The following NR2C1 variants were observed in gnomAD, a reference collection of about 807,000 sequenced individuals.
NR2C1 encodes the protein TR2 nuclear hormone receptor.
A neutral mutation model predicts 74.8 loss-of-function variants in NR2C1; 33 were observed. That is an observed-to-expected ratio of 0.44 (90% confidence interval 0.33 to 0.59). NR2C1 has a LOEUF of 0.59. Ranked by LOEUF, NR2C1 falls within the 20% of genes least tolerant of loss-of-function variation. The pLI is 0.02. For missense variants in NR2C1, 568 were observed against 715.6 expected (o/e 0.79, Z 2.35); for synonymous variants, 225 against 240.6 (o/e 0.94, Z 0.60).
intron 3 of NR2C1, among the ~76,000 whole-genome samples, chr12:95,060,682 C>T (rs2136186710): frequency 6.6e-6 from 1 of 152,200 alleles, no homozygotes; most frequent in South Asian, 2.1e-4. Flanking sequence ...AAACAAAAAA[C>T]AGCAAACTAG....
intron 10 of NR2C1, among the ~76,000 whole-genome samples, chr12:95,032,515 C>T (rs1010763120): frequency 2.0e-5 from 3 of 151,502 alleles, no homozygotes; most frequent in African/African-American, 7.3e-5. Context: ...AAAACATTAG[C>T]CGAGCATAGT....
intron 9 of NR2C1, among the ~76,000 whole-genome samples, chr12:95,048,622 G>GCTTTT (rs1432439180): frequency 1.5e-5 from 2 of 130,526 alleles, no homozygotes; most frequent in African/African-American, 2.8e-5. Flanking sequence ...ATGCAGATGA[G>GCTTTT]TTTTTTTTTT....
At chr12:95,041,446 C>T (rs1871522105) in intron 9 of NR2C1, among the ~76,000 whole-genome samples, 1 of 152,042 alleles carries the variant, frequency 6.6e-6, no homozygotes, top group African/African-American at 2.4e-5. Context: ...TGAGCCACTG[C>T]ACTCCAGCCT....
rs559787500 is a variant in NR2C1 at position 95,053,899 on chromosome 12, A to G, written c.784-1956T>C. The stretch of plus-strand genomic sequence containing the variant: ...AGGGTTTCACTGTGTTAGCCAGGAC[A>G]GTCTCGATCTCCTGACCTCGTGATC... On this transcript the variant is annotated intron_variant, in intron 7 of 13. Transcript: ENST00000333003. Among the ~76,000 whole-genome samples, 975 of 151,984 alleles carry G rather than the reference A, an allele frequency of 6.4e-3. 7 individuals carry two copies. The highest frequency in any genetic ancestry group is 0.021 in the African/African-American group (856 of 41,440).
chr12:95,059,989 A>T lies in NR2C1; in HGVS notation c.286-5T>A, dbSNP rs1304473370. Reference sequence around the variant, plus strand: ...TGGAGAATTATCTGTTAGGAGCTAAAAAAAAAAAAAAAAAAAAAGAAAACA... The same window carrying T: ...TGGAGAATTATCTGTTAGGAGCTAATAAAAAAAAAAAAAAAAAAGAAAACA... On this transcript the variant is annotated splice_polypyrimidine_tract_variant and splice_region_variant and intron_variant, in intron 3 of 13. Coordinates refer to ENST00000333003, the MANE Select transcript of NR2C1 (RefSeq NM_003297.4). The T allele has an allele frequency of 6.6e-6, 4 of 603,586 alleles. No individual in the cohort carries two copies. The highest frequency in any genetic ancestry group is 9.4e-6 in the Non-Finnish European group (4 of 427,016). The allele number at this position is 603,586 out of a possible 1,614,324, so 37.4% of individuals were successfully genotyped here. A position where few individuals can be genotyped will look rare whatever the true frequency, so the allele number is the denominator to read the frequency against.
At chr12:95,063,751 C>T (rs949240058) in intron 2 of NR2C1, among the ~76,000 whole-genome samples, 4 of 151,794 alleles carry the variant, frequency 2.6e-5, no homozygotes, top group Admixed American at 6.6e-5. Context: ...AAGAGTAGGC[C>T]GGGTGCAGTG....
chr12:95,066,380 T>A (rs762377025), intron 2 of NR2C1, among the ~76,000 whole-genome samples: 23 of 152,054 alleles, frequency 1.5e-4, no homozygotes, highest in Non-Finnish European at 3.2e-4. Context: ...GCACAAAAAA[T>A]GGCCACAAAA....
chr12:95,064,302 C>T (rs1295883094), intron 2 of NR2C1, among the ~76,000 whole-genome samples: 1 of 146,006 alleles, frequency 6.8e-6, no homozygotes, highest in Non-Finnish European at 1.5e-5. Context: ...GCACTCCAGC[C>T]TGGGTGACAC....
At chr12:95,043,187 G>T (rs11107872) in intron 9 of NR2C1, among the ~76,000 whole-genome samples, 1 of 151,940 alleles carries the variant, frequency 6.6e-6, no homozygotes. Flanking sequence ...CTTTAGCCCA[G>T]GAGGTAGAGG....
intron 7 of NR2C1, among the ~76,000 whole-genome samples, chr12:95,052,975 T>C (rs1210607072): frequency 6.6e-6 from 1 of 151,982 alleles, no homozygotes; most frequent in Admixed American, 6.6e-5. Context: ...ATAGGTAAGA[T>C]ACTGATCTAT....
intron 9 of NR2C1, among the ~76,000 whole-genome samples, chr12:95,043,454 C>T (rs1258946943): frequency 6.6e-6 from 1 of 151,952 alleles, no homozygotes; most frequent in Non-Finnish European, 1.5e-5. Flanking sequence ...TCTGGGAGGC[C>T]AGGGCAGGCA....
At chr12:95,022,788 GACTCAAGT>G (rs1868912852) in intron 13 of NR2C1, among the ~76,000 whole-genome samples, 1 of 151,370 alleles carries the variant, frequency 6.6e-6, no homozygotes, top group Non-Finnish European at 1.5e-5. Flanking sequence ...CAATTCCTTG[GACTCAAGT>G]GATCCTTCCC....
chr12:95,071,058 G>A (rs760437595), intron 1 of NR2C1, among the ~76,000 whole-genome samples: 12 of 152,150 alleles, frequency 7.9e-5, no homozygotes, highest in Admixed American at 1.3e-4. Flanking sequence ...AAATTTAGCC[G>A]GGTGTGGTGG....
In NR2C1 at chr12:95,028,405, T is replaced by G; in HGVS notation, c.1513A>C (p.Ile505Leu). ...DGYEYAYLKA[I>L]VLFSPDHPSL... ...TATATACCTGGACTGAAGAGTACTA[T>G]TGCCTTCAGGTAGGCATATTCGTAT... is the stretch of plus-strand genomic sequence containing the variant. The change falls in exon 12 of 14, where the codon ATA becomes CTA. Residue 505 changes from isoleucine (I) to leucine (L), a missense_variant. Ile to Leu is a conservative substitution (Grantham distance 5). Coordinates refer to ENST00000333003, the MANE Select transcript of NR2C1 (RefSeq NM_003297.4). 1 of 1,610,292 alleles carries G rather than the reference T, an allele frequency of 6.2e-7. No individual in the cohort carries two copies. Among genetic ancestry groups the G allele is most frequent in the East Asian group, 2.2e-5 (1 of 44,798 alleles).
chr12:95,036,526 T>G (rs80349923), intron 10 of NR2C1, among the ~76,000 whole-genome samples: 1 of 151,446 alleles, frequency 6.6e-6, no homozygotes, highest in Non-Finnish European at 1.5e-5. Context: ...TTTTTTTTTT[T>G]TTGAAGGAGA....
intron 10 of NR2C1, among the ~76,000 whole-genome samples, chr12:95,037,843 G>A (rs1168838236): frequency 2.0e-5 from 3 of 149,906 alleles, no homozygotes; most frequent in East Asian, 2.0e-4. Flanking sequence ...TGCACTGAGC[G>A]GAGATCGTGC....
At chr12:95,029,145 C>T (rs902848544) in intron 11 of NR2C1, among the ~76,000 whole-genome samples, 2 of 151,994 alleles carry the variant, frequency 1.3e-5, no homozygotes, top group Admixed American at 6.6e-5. Context: ...TGCAGTGGTG[C>T]GATCTCAACT....
intron 9 of NR2C1, among the ~76,000 whole-genome samples, chr12:95,043,305 G>A (rs1429851389): frequency 6.6e-6 from 1 of 151,950 alleles, no homozygotes; most frequent in African/African-American, 2.4e-5. Flanking sequence ...CCCAAGGTGA[G>A]TAAAAAGGAA....
chr12:95,061,299 A>G (rs1045246217), intron 3 of NR2C1, among the ~76,000 whole-genome samples: 1 of 152,184 alleles, frequency 6.6e-6, no homozygotes, highest in Non-Finnish European at 1.5e-5. Flanking sequence ...ACACCTATAA[A>G]CTTCAGTTAA....
Sources: gnomAD v4.1 joint callset for allele counts (sites outside exome capture counted in the v4.1 genomes callset) on GRCh38, gnomAD v4.1.1 for gene constraint, MANE v1.5 for transcripts, NCBI Gene and HGNC (gene_info 2026-07-23, HGNC 2026-07-21) for gene names.